NLGN1: variants seen among roughly 807,000 people sequenced by gnomAD.
The protein encoded by NLGN1 is neuroligin-1.
In NLGN1, 12 loss-of-function variants were observed where a neutral mutation model predicts 65.5. The ratio of observed to expected loss-of-function variants is 0.18; its 90% confidence interval spans 0.12 to 0.30. The LOEUF (loss-of-function observed/expected upper bound fraction) is 0.30, where lower values mean the gene tolerates loss of function less well. Among genes scored for constraint, NLGN1 ranks in the 10% least tolerant of loss-of-function variants. The probability of loss-of-function intolerance (pLI) is 1.00; values close to 1 mark genes in which losing one functional copy is unlikely to be tolerated. For synonymous variants in NLGN1, 350 were observed against 359.5 expected, an observed-to-expected ratio of 0.97 and a Z score of 0.30; for missense variants, 750 against 1,007.1, an observed-to-expected ratio of 0.74 and a Z score of 3.46.
intron 4 of NLGN1, among the ~76,000 whole-genome samples, chr3:173,944,221 C>G (rs1746740733): frequency 6.6e-6 from 1 of 150,554 alleles, no homozygotes; most frequent in South Asian, 2.1e-4. Flanking sequence ...GTATCACCTT[C>G]CTCATTTTAT....
chr3:174,162,902 A>G (rs1221925835), intron 4 of NLGN1, among the ~76,000 whole-genome samples: 1 of 151,796 alleles, frequency 6.6e-6, no homozygotes, highest in East Asian at 1.9e-4. Context: ...TAAATGAAAT[A>G]TCAGTTTTTA....
At chr3:173,809,595 G>A (rs6785285) in intron 4 of NLGN1, among the ~76,000 whole-genome samples, 2 of 152,088 alleles carry the variant, frequency 1.3e-5, no homozygotes, top group Admixed American at 1.3e-4. Flanking sequence ...TTGGCCACAA[G>A]TTTTTTTGCC....
At chr3:174,049,185 A>T (rs1734266527) in intron 4 of NLGN1, among the ~76,000 whole-genome samples, 1 of 152,156 alleles carries the variant, frequency 6.6e-6, no homozygotes, top group African/African-American at 2.4e-5. Flanking sequence ...GGATTTTCAG[A>T]AAACAGCTAG....
At chr3:173,623,058 G>A (rs959213942) in intron 3 of NLGN1, among the ~76,000 whole-genome samples, 10 of 152,164 alleles carry the variant, frequency 6.6e-5, no homozygotes, top group Admixed American at 6.6e-4. Flanking sequence ...TGAAGAACTA[G>A]GCTATGAAAC....
rs147811333 is a variant in NLGN1, at chr3:173,559,296, G to A, written c.-320-44983G>A. On this transcript the variant is annotated intron_variant, in intron 2 of 6. Coordinates refer to ENST00000457714, the Ensembl canonical transcript of NLGN1. ...TGTTTTAGCATATGAGTCTCTTTCT[G>A]ATCTACATACAGTCTACCTACTCTG... Among the ~76,000 whole-genome samples the A allele has an allele frequency of 1.2e-4, 18 of 152,264 alleles. No individual in the cohort carries two copies. In the South Asian group the frequency reaches 1.2e-3, roughly 11 times the overall value.
chr3:174,175,641 C>T (rs561103122), intron 4 of NLGN1, among the ~76,000 whole-genome samples: 1 of 151,964 alleles, frequency 6.6e-6, no homozygotes, highest in Admixed American at 6.6e-5. Context: ...CTGTTGATTC[C>T]ATCTCACACA....
At chr3:173,493,058 T>C (rs1015405497) in intron 2 of NLGN1, among the ~76,000 whole-genome samples, 1 of 151,870 alleles carries the variant, frequency 6.6e-6, no homozygotes, top group Non-Finnish European at 1.5e-5. Context: ...GCTGCACTTA[T>C]TGAATTCACA....
At chr3:173,726,533 A>G in intron 3 of NLGN1, among the ~76,000 whole-genome samples, 1 of 152,096 alleles carries the variant, frequency 6.6e-6, no homozygotes, top group East Asian at 1.9e-4. Context: ...CTTTATTATT[A>G]TTATGCTCTG....
chr3:173,696,471 C>T (rs945011064), intron 3 of NLGN1, among the ~76,000 whole-genome samples: 3 of 152,104 alleles, frequency 2.0e-5, no homozygotes, highest in African/African-American at 7.2e-5. Flanking sequence ...ATGAGTGGCC[C>T]TCTTGTTGAA....
chr3:173,622,174 T>C (rs1279841241), intron 3 of NLGN1, among the ~76,000 whole-genome samples: 2 of 152,118 alleles, frequency 1.3e-5, no homozygotes, highest in African/African-American at 2.4e-5. Context: ...CCATAGGCTG[T>C]CTGAGTATAA....
chr3:174,031,022 G>C (rs553521732), intron 4 of NLGN1, among the ~76,000 whole-genome samples: 2 of 152,158 alleles, frequency 1.3e-5, no homozygotes, highest in Non-Finnish European at 2.9e-5. Flanking sequence ...GAAATTTAAG[G>C]GAAGGCTTAC....
intron 4 of NLGN1, among the ~76,000 whole-genome samples, chr3:173,825,768 G>A (rs1206154559): frequency 6.6e-6 from 1 of 151,958 alleles, no homozygotes; most frequent in African/African-American, 2.4e-5. Flanking sequence ...CTAACATGCT[G>A]GAGTTTTCTC....
At chr3:173,431,679 C>G (rs144401254) in intron 1 of NLGN1, among the ~76,000 whole-genome samples, 4 of 152,146 alleles carry the variant, frequency 2.6e-5, no homozygotes, top group African/African-American at 9.7e-5. Context: ...CATCCTACAC[C>G]AGAGTGGTAC....
chr3:173,508,040 G>A (rs1297939048), intron 2 of NLGN1, among the ~76,000 whole-genome samples: 1 of 152,138 alleles, frequency 6.6e-6, no homozygotes, highest in African/African-American at 2.4e-5. Flanking sequence ...TGTTGTAAAT[G>A]CTGTCTTCAG....
chr3:173,965,872 C>T (rs2152358989), intron 4 of NLGN1, among the ~76,000 whole-genome samples: 1 of 152,224 alleles, frequency 6.6e-6, no homozygotes, highest in African/African-American at 2.4e-5. Context: ...TCTATCAATA[C>T]TAACATTGTA....
At chr3:173,683,370 T>C (rs190614693) in intron 3 of NLGN1, among the ~76,000 whole-genome samples, 1 of 152,274 alleles carries the variant, frequency 6.6e-6, no homozygotes, top group African/African-American at 2.4e-5. Context: ...GCTGGTATTA[T>C]CTTTCTGGGA....
intron 2 of NLGN1, among the ~76,000 whole-genome samples, chr3:173,474,893 G>T (rs1004903363): frequency 6.6e-6 from 1 of 152,028 alleles, no homozygotes; most frequent in Non-Finnish European, 1.5e-5. Flanking sequence ...GGGAGGCAGA[G>T]GTTGCAGTGA....
At chr3:173,887,879 A>C (rs1048545323) in intron 4 of NLGN1, among the ~76,000 whole-genome samples, 1 of 151,902 alleles carries the variant, frequency 6.6e-6, no homozygotes, top group Non-Finnish European at 1.5e-5. Flanking sequence ...ACTAAAAAAA[A>C]CCCACTTCTA....
chr3:173,885,410 CTT>C (rs1432992197), intron 4 of NLGN1, among the ~76,000 whole-genome samples: 1 of 151,910 alleles, frequency 6.6e-6, no homozygotes, highest in African/African-American at 2.4e-5. Context: ...AAAAGAATCT[CTT>C]TTAAGTTATT....
Sources: allele counts gnomAD v4.1 joint callset (sites outside exome capture counted in the v4.1 genomes callset), GRCh38; gene constraint gnomAD v4.1.1; transcripts MANE v1.5; gene names NCBI Gene and HGNC (gene_info 2026-07-23, HGNC 2026-07-21).